SLA: variants seen among roughly 807,000 people sequenced by gnomAD.
SLA encodes the protein Src like adaptor, also known as src-like-adapter.
Under a neutral mutation model 30.3 loss-of-function variants are expected in SLA, and 16 were observed. The observed-to-expected ratio is 0.53, with a 90% confidence interval of 0.36 to 0.80. The LOEUF (loss-of-function observed/expected upper bound fraction) is 0.80, where lower values mean the gene tolerates loss of function less well. Ranked by LOEUF, SLA falls within the 30% of genes least tolerant of loss-of-function variation. The pLI is 0.01. For synonymous variants in SLA, 143 were observed against 137.8 expected, an observed-to-expected ratio of 1.04 and a Z score of -0.26; for missense variants, 310 against 345.2, an observed-to-expected ratio of 0.90 and a Z score of 0.81.
intron 1 of SLA, among the ~76,000 whole-genome samples, chr8:133,099,551 T>C (rs529604392): frequency 7.9e-5 from 12 of 152,326 alleles, no homozygotes; most frequent in African/African-American, 2.2e-4. Flanking sequence ...AATGGCCCAC[T>C]TGACATCTTC....
chr8:133,083,469 C>T (rs1355285876), intron 1 of SLA, among the ~76,000 whole-genome samples: 2 of 152,150 alleles, frequency 1.3e-5, no homozygotes, highest in African/African-American at 4.8e-5. Context: ...AAATAGTTTT[C>T]CTAAGAACAC....
In SLA at chr8:133,039,952, T is replaced by C. The variant is rs781552064; in HGVS notation, c.617+46A>G. On this transcript the variant is annotated intron_variant, in intron 8 of 8. Coordinates refer to ENST00000338087, the MANE Select transcript of SLA (RefSeq NM_001045556.3). ...CTCACATGTTCACAGAGCACTTGCA[T>C]GCACACACACACACACACACACACA... 5.1e-4 allele frequency: 544 copies of C among 1,076,672 alleles called. 4 individuals carry two copies. In the African/African-American group the frequency reaches 0.01, roughly 20 times the overall value. The allele number at this position is 1,076,672 out of a possible 1,614,324, so 66.7% of individuals were successfully genotyped here.
intron 1 of SLA, among the ~76,000 whole-genome samples, chr8:133,100,441 G>C (rs892215919): frequency 6.6e-6 from 1 of 152,158 alleles, no homozygotes; most frequent in African/African-American, 2.4e-5. Flanking sequence ...TTCTAGTTCT[G>C]CTAGACAAAT....
At chr8:133,094,462 G>T (rs757803257) in intron 1 of SLA, among the ~76,000 whole-genome samples, 5 of 151,864 alleles carry the variant, frequency 3.3e-5, no homozygotes, top group Admixed American at 2.6e-4. Context: ...GGATGGTCTC[G>T]ATCTCCTGAC....
intron 6 of SLA, among the ~76,000 whole-genome samples, chr8:133,045,823 A>G (rs1196315356): frequency 2.0e-5 from 3 of 152,054 alleles, no homozygotes; most frequent in Admixed American, 1.3e-4. Context: ...CTCCTTCCCG[A>G]GTACTCTCCA....
chr8:133,049,432 C>T, intron 5 of SLA: 1 of 278,106 alleles, frequency 3.6e-6, no homozygotes, highest in South Asian at 3.6e-5. Flanking sequence ...CAACCCTACA[C>T]TTTGATCATA....
intron 2 of SLA, chr8:133,073,215 T>G (rs1452188168): frequency 1.3e-5 from 2 of 152,258 alleles, no homozygotes; most frequent in East Asian, 3.8e-4. Flanking sequence ...ACAATCTTTC[T>G]ATGTTGCCAT....
At chr8:133,087,967 A>G (rs1328453917) in intron 1 of SLA, 1 of 152,212 alleles carries the variant, frequency 6.6e-6, no homozygotes, top group African/African-American at 2.4e-5. Flanking sequence ...GTGTACCGCA[A>G]ATTCTTCTTG....
At chr8:133,061,497 C>T (rs76597957) in intron 2 of SLA, among the ~76,000 whole-genome samples, 3,586 of 152,230 alleles carry the variant, frequency 0.024, 153 homozygotes, top group African/African-American at 0.08. Context: ...GACCTTCATA[C>T]AAATATTTTG....
intron 2 of SLA, chr8:133,063,634 A>G (rs1257897750): frequency 1.3e-5 from 2 of 152,220 alleles, no homozygotes; most frequent in African/African-American, 4.8e-5. Flanking sequence ...GGGTTCTTCT[A>G]CGCTAACAGT....
rs779014671 is a variant in SLA at position 133,049,927 on chromosome 8, T to A, written c.223A>T (p.Ile75Leu). The A allele has an allele frequency of 1.9e-6, 3 of 1,612,876 alleles. No individual in the cohort carries two copies. The highest frequency in any genetic ancestry group is 2.5e-6 in the Non-Finnish European group (3 of 1,178,964). Residue 75 changes from isoleucine to leucine, a missense_variant, in exon 5 of 9, where the codon ATA becomes TTA. By Grantham distance (5) the Ile-to-Leu change is conservative. Coordinates refer to ENST00000338087, the MANE Select transcript of SLA (RefSeq NM_001045556.3). The part of the protein sequence containing the change: ...STGRESYIPG[I>L]CVARVYHGWL... ...CCATGGTAAACTCTGGCCACACATA[T>A]TCCAGGGATGTAACTCTCTCGACCA...
chr8:133,069,805 A>G (rs930666336), intron 2 of SLA, among the ~76,000 whole-genome samples: 5 of 152,050 alleles, frequency 3.3e-5, no homozygotes, highest in African/African-American at 9.7e-5. Context: ...GTTCAAGACC[A>G]GCCCGGCCAA....
At chr8:133,084,278 G>T (rs192345704) in intron 1 of SLA, among the ~76,000 whole-genome samples, 100 of 152,184 alleles carry the variant, frequency 6.6e-4, no homozygotes, top group South Asian at 2.9e-3. Context: ...TCTTCTCCTG[G>T]GCCCTGAAAC....
intron 1 of SLA, chr8:133,095,284 G>A: frequency 6.2e-7 from 1 of 1,602,486 alleles, no homozygotes; most frequent in Non-Finnish European, 8.5e-7. Context: ...CTAGGAAGGA[G>A]GTGTCACCCA....
intron 2 of SLA, chr8:133,072,855 A>C (rs1844280407): frequency 6.6e-6 from 1 of 152,228 alleles, no homozygotes. Flanking sequence ...CGTTTATATC[A>C]GAGGGAGGAA....
chr8:133,060,339 G>A (rs1354458452), intron 2 of SLA, 139 bp from the exon 3 acceptor site: 2 of 1,550,340 alleles, frequency 1.3e-6, no homozygotes, highest in Non-Finnish European at 1.7e-6. Context: ...ATGTGAAGAT[G>A]AGATTGGTGA....
At chr8:133,044,841 G>T in intron 7 of SLA, 143 bp downstream of exon 7, 1 of 780,042 alleles carries the variant, frequency 1.3e-6, no homozygotes, top group Non-Finnish European at 2.1e-6. Flanking sequence ...GAAATTTACA[G>T]TCTGAATTAA....
At chr8:133,068,575 T>A (rs1843452543) in intron 2 of SLA, among the ~76,000 whole-genome samples, 1 of 152,184 alleles carries the variant, frequency 6.6e-6, no homozygotes, top group African/African-American at 2.4e-5. Context: ...CCTTCCTGGG[T>A]GTTCTCATGG....
intron 1 of SLA, among the ~76,000 whole-genome samples, chr8:133,099,000 T>A (rs931280433): frequency 6.6e-6 from 1 of 152,210 alleles, no homozygotes; most frequent in East Asian, 1.9e-4. Context: ...TACTCAAGGA[T>A]GCATTTGCAT....
Sources: gnomAD v4.1 joint callset for allele counts (sites outside exome capture counted in the v4.1 genomes callset) on GRCh38, gnomAD v4.1.1 for gene constraint, MANE v1.5 for transcripts, NCBI Gene and HGNC (gene_info 2026-07-23, HGNC 2026-07-21) for gene names.